Variants in AGAP1 observed in about 807,000 individuals in gnomAD.
The protein encoded by AGAP1 is arf-GAP with GTPase, ANK repeat and PH domain-containing protein 1.
Under a neutral mutation model 105.3 loss-of-function variants are expected in AGAP1, and 29 were observed. The ratio of observed to expected loss-of-function variants is 0.28; its 90% CI spans 0.21 to 0.38. The LOEUF (loss-of-function observed/expected upper bound fraction) is 0.38. Ranked by LOEUF, AGAP1 falls within the 10% of genes least tolerant of loss-of-function variation. AGAP1 has a pLI of 1.00. For synonymous variants in AGAP1, 509 were observed against 485.9 expected (o/e 1.05, Z -0.63); for missense variants, 998 against 1,165.1 (o/e 0.86, Z 2.09).
chr2:235,790,399 C>T lies in AGAP1; in HGVS notation c.674-7360C>T, dbSNP rs375356462. ...CAAAACAAAATATATGTGTGCTTCT[C>T]GGGAAACCGCTGGAACCAGGCTGCT... On this transcript the variant is annotated intron_variant, in intron 6 of 17. Transcript: ENST00000304032. Among the ~76,000 whole-genome samples, 44 of 152,202 alleles carry T rather than the reference C, an allele frequency of 2.9e-4. 1 individual carries two copies. The highest frequency in any genetic ancestry group is 9.9e-4 in the African/African-American group (41 of 41,516).
At chr2:235,597,061 G>C (rs1945548859) in intron 1 of AGAP1, among the ~76,000 whole-genome samples, 1 of 152,112 alleles carries the variant, frequency 6.6e-6, no homozygotes, top group Admixed American at 6.6e-5. Context: ...TGGTCTTTGT[G>C]ATAGCAGCCC....
chr2:235,814,512 G>C (rs543903278), intron 9 of AGAP1, among the ~76,000 whole-genome samples: 4 of 152,274 alleles, frequency 2.6e-5, no homozygotes, highest in African/African-American at 4.8e-5. Flanking sequence ...ATTGTTCACT[G>C]GTCCTTGTGT....
Position 236,078,223 on chromosome 2 carries a change from G to A in AGAP1, c.2114+28942G>A, listed in dbSNP as rs555523308. 9.3e-4 allele frequency among the ~76,000 whole-genome samples: 142 copies of A among 152,092 alleles called. No homozygotes were observed. Among genetic ancestry groups the A allele is most frequent in the African/African-American group, 3.3e-3 (136 of 41,492 alleles). ...TCTGAAGTGTGTAGTGCAGGCCGGC[G>A]TTCTGGAAACTCGGGCAGAAGTTAA... On this transcript the variant is annotated intron_variant, in intron 16 of 17. Coordinates refer to ENST00000304032, the MANE Select transcript of AGAP1 (RefSeq NM_001037131.3). The surrounding 1 kb of genome is among the most constrained non-coding windows in gnomAD (Gnocchi z 5.3).
intron 16 of AGAP1, among the ~76,000 whole-genome samples, chr2:236,098,614 TTTTTCC>T (rs2059252720): frequency 2.3e-5 from 2 of 88,772 alleles, no homozygotes; most frequent in African/African-American, 8.8e-5. Context: ...ATGAAATCTT[TTTTTCC>T]TTTTTTTTTT....
At position 235,671,132 on chromosome 2, in the gene AGAP1, G is replaced by T. The variant is rs552340107; in HGVS notation, c.164-38047G>T. ...CTTGCCGGTTCCGCAGCGGCTATGG[G>T]ACCCGCCCTCCCGGGTCGGGAGCCT... On this transcript the variant is annotated intron_variant, in intron 1 of 17. Transcript: ENST00000304032. 5.5e-5 allele frequency: 68 copies of T among 1,232,136 alleles called. No individual in the cohort carries two copies. In the African/African-American group the frequency reaches 1.0e-3, roughly 18 times the overall value. The allele number at this position is 1,232,136 out of a possible 1,614,324, so 76.3% of individuals were successfully genotyped here. A position where few individuals can be genotyped will look rare whatever the true frequency, so the allele number is the denominator to read the frequency against.
intron 1 of AGAP1, among the ~76,000 whole-genome samples, chr2:235,591,987 C>G (rs542999247): frequency 6.6e-6 from 1 of 152,162 alleles, no homozygotes; most frequent in Non-Finnish European, 1.5e-5. Flanking sequence ...TCCTGTATAG[C>G]CTTCAGGACC....
intron 10 of AGAP1, among the ~76,000 whole-genome samples, chr2:235,896,137 A>G (rs2050797325): frequency 6.6e-6 from 1 of 152,188 alleles, no homozygotes; most frequent in Admixed American, 6.5e-5. Flanking sequence ...GGCAACCAGC[A>G]TTCCAGTTTC....
chr2:235,728,355 C>G lies in AGAP1; in HGVS notation c.310+10711C>G, dbSNP rs1339754693. 6.8e-6 allele frequency among the ~76,000 whole-genome samples: 1 copy of G among 147,696 alleles called. No individual in the cohort carries two copies. Among genetic ancestry groups the G allele is most frequent in the Admixed American group, 6.6e-5 (1 of 15,062 alleles). On this transcript the variant is annotated intron_variant, in intron 3 of 17. Transcript: ENST00000304032. This position sits in a 1 kb window ranked among gnomAD's most constrained non-coding sequence, Gnocchi z 4.3. The stretch of plus-strand genomic sequence containing the variant: ...TGCTCTTAAATCAATGTAAATTAGG[C>G]TATATACAGCTGCCAATAATCTGCA...
chr2:235,791,549 A>C (rs1956978140), intron 6 of AGAP1, among the ~76,000 whole-genome samples: 1 of 149,482 alleles, frequency 6.7e-6, no homozygotes, highest in African/African-American at 2.5e-5. Flanking sequence ...ATTTGATTTG[A>C]TTTTTTTTTT....
At chr2:235,870,701 C>T (rs1202608885) in intron 9 of AGAP1, among the ~76,000 whole-genome samples, 1 of 152,138 alleles carries the variant, frequency 6.6e-6, no homozygotes, top group East Asian at 1.9e-4. Flanking sequence ...TGAAATCCAG[C>T]CAGCACATGA....
intron 1 of AGAP1, among the ~76,000 whole-genome samples, chr2:235,495,953 A>C (rs1257521631): frequency 6.6e-6 from 1 of 152,212 alleles, no homozygotes; most frequent in Non-Finnish European, 1.5e-5. Context: ...GAATGGCCCA[A>C]AGCCGGCAGG....
In AGAP1 at chr2:235,879,286, G is replaced by T. The variant is rs2049895141; in HGVS notation, c.1051-4059G>T. 6.6e-6 allele frequency among the ~76,000 whole-genome samples: 1 copy of T among 152,200 alleles called. No homozygotes were observed. The highest frequency in any genetic ancestry group is 6.5e-5 in the Admixed American group (1 of 15,288). ...CAGCCACTGAAAGAAAAGTGCACCT[G>T]CCCCAGCCCAGCTAGACCACAGCCA... On this transcript the variant is annotated intron_variant, in intron 9 of 17. Coordinates refer to ENST00000304032, the MANE Select transcript of AGAP1 (RefSeq NM_001037131.3). This position sits in a 1 kb window ranked among gnomAD's most constrained non-coding sequence, Gnocchi z 5.0.
rs1480875394 is a variant in AGAP1, at chr2:235,566,457, T to C, written c.163+71608T>C. 1 of 509,832 alleles carries C rather than the reference T, an allele frequency of 2.0e-6. No homozygotes were observed. The highest frequency in any genetic ancestry group is 2.5e-6 in the Non-Finnish European group (1 of 395,908). 31.6% of individuals were successfully genotyped at this position (509,832 alleles called of 1,614,324 possible). A position where few individuals can be genotyped will look rare whatever the true frequency, so the allele number is the denominator to read the frequency against. The stretch of plus-strand genomic sequence containing the variant: ...TGCTATTATTAACTCGAGATCAATA[T>C]TGATTTACTGTTTTGTTTTTTTATT... On this transcript the variant is annotated intron_variant, in intron 1 of 17. Coordinates refer to ENST00000304032, the MANE Select transcript of AGAP1 (RefSeq NM_001037131.3). This position sits in a 1 kb window ranked among gnomAD's most constrained non-coding sequence, Gnocchi z 5.2.
rs1944762128 is a variant in AGAP1, at chr2:235,577,199, C to T, written c.163+82350C>T. On this transcript the variant is annotated intron_variant, in intron 1 of 17. Transcript: ENST00000304032. This position sits in a 1 kb window ranked among gnomAD's most constrained non-coding sequence, Gnocchi z 4.5. ...AACAGATGAAATTAATTTTAATAAACTGTTTAATCCAACATATCCAAAATA... is the reference window on the plus strand; with the variant it reads ...AACAGATGAAATTAATTTTAATAAATTGTTTAATCCAACATATCCAAAATA... Among the ~76,000 whole-genome samples the T allele has an allele frequency of 6.6e-6, 1 of 152,202 alleles. No homozygotes were observed. The highest frequency in any genetic ancestry group is 2.4e-5 in the African/African-American group (1 of 41,446).
chr2:235,808,676 G>A (rs1957970019), intron 9 of AGAP1, among the ~76,000 whole-genome samples: 1 of 152,200 alleles, frequency 6.6e-6, no homozygotes, highest in Non-Finnish European at 1.5e-5. Context: ...CAGAGAAGAA[G>A]GAGGCCTGCA....
rs1944669941 is a variant in AGAP1 at position 235,574,454 on chromosome 2, C to T, written c.163+79605C>T. 6.6e-6 allele frequency among the ~76,000 whole-genome samples: 1 copy of T among 152,188 alleles called. No homozygotes were observed. The highest frequency in any genetic ancestry group is 1.5e-5 in the Non-Finnish European group (1 of 68,032). The stretch of plus-strand genomic sequence containing the variant: ...CATTATCTGATAAAGTAAATCTCAG[C>T]CACTGGGAAGAGCCCTTTTTGGCAG... On this transcript the variant is annotated intron_variant, in intron 1 of 17. Coordinates refer to ENST00000304032, the MANE Select transcript of AGAP1 (RefSeq NM_001037131.3). The surrounding 1 kb of genome is among the most constrained non-coding windows in gnomAD (Gnocchi z 5.0).
chr2:235,528,269 A>G (rs999181805), intron 1 of AGAP1, among the ~76,000 whole-genome samples: 1 of 150,966 alleles, frequency 6.6e-6, no homozygotes, highest in African/African-American at 2.4e-5. Context: ...GGCATTCCTG[A>G]GCCATGCCAG....
rs764568114 is a variant in AGAP1 at position 235,887,255 on chromosome 2, G to A, written c.1155+3806G>A. Among the ~76,000 whole-genome samples the A allele has an allele frequency of 2.0e-5, 3 of 152,130 alleles. No homozygotes were observed. Among genetic ancestry groups the A allele is most frequent in the South Asian group, 2.1e-4 (1 of 4,812 alleles). On this transcript the variant is annotated intron_variant, in intron 10 of 17. Coordinates refer to ENST00000304032, the MANE Select transcript of AGAP1 (RefSeq NM_001037131.3). The surrounding 1 kb of genome is among the most constrained non-coding windows in gnomAD (Gnocchi z 4.1). ...ATGCAGTGGTGGCATAAGTGGTCAA[G>A]TGTTGGGAAAGCTGCCAGGATTGCT...
intron 16 of AGAP1, among the ~76,000 whole-genome samples, chr2:236,106,662 G>A (rs183854251): frequency 2.0e-4 from 31 of 152,328 alleles, no homozygotes; most frequent in Non-Finnish European, 2.8e-4. Flanking sequence ...CTGGAGTCAC[G>A]CACAGCCAGC....
Sources: gnomAD v4.1 joint callset for allele counts (sites outside exome capture counted in the v4.1 genomes callset) on GRCh38, gnomAD v4.1.1 for gene constraint, Gnocchi (gnomAD v3.1) non-coding constraint, MANE v1.5 for transcripts, NCBI Gene and HGNC (gene_info 2026-07-23, HGNC 2026-07-21) for gene names.